Variants in RPLP1 observed in about 807,000 individuals in gnomAD.
The protein encoded by RPLP1 is ribosomal protein lateral stalk subunit P1, also known as large ribosomal subunit protein P1.
RPLP1 carries 4 observed loss-of-function variants against 11.6 expected under a neutral mutation model. The ratio of observed to expected loss-of-function variants is 0.34; its 90% CI spans 0.17 to 0.79. RPLP1 has a LOEUF of 0.79. RPLP1 is among the 30% of genes least tolerant of loss of function. The probability of loss-of-function intolerance (pLI) is 0.55; values close to 1 mark genes in which losing one functional copy is unlikely to be tolerated. For synonymous variants in RPLP1, 54 were observed against 52.2 expected, an observed-to-expected ratio of 1.03 and a Z score of -0.15; for missense variants, 133 against 142.8, an observed-to-expected ratio of 0.93 and a Z score of 0.35.
chr15:69,453,015 G>C lies in RPLP1; in HGVS notation c.67G>C (p.Val23Leu), dbSNP rs777874251. 6.4e-6 allele frequency: 10 copies of C among 1,567,460 alleles called. No individual in the cohort carries two copies. The South Asian group carries it at 8.2e-5, about 13-fold the overall frequency. The change falls in exon 1 of 4, where the codon GTC becomes CTC. Residue 23 changes from valine to leucine, a missense_variant. Transcript: ENST00000260379. ...ALILHDDEVT[V>L]TEDKINALIK... The stretch of plus-strand genomic sequence containing the variant: ...CATTCTGCACGACGATGAGGTGACA[G>C]TCACGGTGAGTGCGGGCGCGGGCCG...
chr15:69,452,859 G>T lies in RPLP1; in HGVS notation c.-90G>T. 1 of 1,238,708 alleles carries T rather than the reference G, an allele frequency of 8.1e-7. No individual in the cohort carries two copies. The highest frequency in any genetic ancestry group is 1.1e-6 in the Non-Finnish European group (1 of 874,214). 76.7% of individuals were successfully genotyped at this position (1,238,708 alleles called of 1,614,324 possible). On this transcript the variant is annotated 5_prime_UTR_variant, in exon 1 of 4. It adds an upstream start codon to the 5' untranslated region. Coordinates refer to ENST00000260379, the MANE Select transcript of RPLP1 (RefSeq NM_001003.3). The stretch of plus-strand genomic sequence containing the variant: ...CCGCCAAGGTGCTCGGTCCTTCCGA[G>T]GAAGCTAAGGCTGCGTTGGGGTGAG...
intron 1 of RPLP1, chr15:69,453,227 G>A (rs1188230056): frequency 8.4e-6 from 5 of 597,836 alleles, no homozygotes; most frequent in Non-Finnish European, 1.5e-5. Flanking sequence ...CGGGCCCAGC[G>A]GGCATGGAGT....
chr15:69,455,713 G>A lies in RPLP1; in HGVS notation c.*206G>A. On this transcript the variant is annotated 3_prime_UTR_variant, in exon 4 of 4. Transcript: ENST00000260379. ...TGATGCTAACAAGAAGGCACCTCAT[G>A]GTACAGTGTTGAAAACTGCACTGGG... 1.7e-6 allele frequency: 1 copy of A among 573,188 alleles called. No individual in the cohort carries two copies. The highest frequency in any genetic ancestry group is 2.1e-5 in the South Asian group (1 of 46,774). 35.5% of individuals were successfully genotyped at this position (573,188 alleles called of 1,614,324 possible). A position where few individuals can be genotyped will look rare whatever the true frequency, so the allele number is the denominator to read the frequency against.
At chr15:69,453,765 T>A (rs746684395) in intron 2 of RPLP1, 44 bp downstream of exon 2, 2 of 1,604,642 alleles carry the variant, frequency 1.2e-6, no homozygotes, top group Non-Finnish European at 1.7e-6. Flanking sequence ...GCCTGCTGAT[T>A]TACGAGGGCA....
In RPLP1 at chr15:69,452,939, C is replaced by A. The variant is rs1203304650; in HGVS notation, c.-10C>A. On this transcript the variant is annotated 5_prime_UTR_variant, in exon 1 of 4. Coordinates refer to ENST00000260379, the MANE Select transcript of RPLP1 (RefSeq NM_001003.3). ...CGTCCGGCAGCGCCAGCCCTACACT[C>A]GCCCGCGCCATGGCCTCTGTCTCCG... is the stretch of plus-strand genomic sequence containing the variant. 4 of 1,569,552 alleles carry A rather than the reference C, an allele frequency of 2.5e-6. No individual in the cohort carries two copies. Among genetic ancestry groups the A allele is most frequent in the Admixed American group, 3.6e-5 (2 of 54,904 alleles).
At chr15:69,453,443 C>CGCGTG in intron 1 of RPLP1, 2 of 622,426 alleles carry the variant, frequency 3.2e-6, no homozygotes, top group Non-Finnish European at 5.6e-6. Context: ...TAAAAATAGC[C>CGCGTG]GCGTGACTCA....
At position 69,453,001 on chromosome 15, in the gene RPLP1, A is replaced by T; in HGVS notation, c.53A>T (p.Asp18Val). Residue 18 changes from aspartate to valine, a missense_variant, in exon 1 of 4, where the codon GAC becomes GTC. Coordinates refer to ENST00000260379, the MANE Select transcript of RPLP1 (RefSeq NM_001003.3). ...ACIYSALILHDDEVTVTEDKI... is the reference protein window; with the variant it reads ...ACIYSALILHVDEVTVTEDKI... The stretch of plus-strand genomic sequence containing the variant: ...ATCTACTCGGCCCTCATTCTGCACG[A>T]CGATGAGGTGACAGTCACGGTGAGT... The T allele has an allele frequency of 6.3e-7, 1 of 1,574,846 alleles. No homozygotes were observed. The highest frequency in any genetic ancestry group is 8.6e-7 in the Non-Finnish European group (1 of 1,162,612).
rs1596036870 is a variant in RPLP1, at chr15:69,452,844, G to C, written c.-105G>C. ...CCCTTTCCTCAGCTGCCGCCAAGGTGCTCGGTCCTTCCGAGGAAGCTAAGG... is the reference window on the plus strand; with the variant it reads ...CCCTTTCCTCAGCTGCCGCCAAGGTCCTCGGTCCTTCCGAGGAAGCTAAGG... On this transcript the variant is annotated 5_prime_UTR_variant, in exon 1 of 4. Coordinates refer to ENST00000260379, the MANE Select transcript of RPLP1 (RefSeq NM_001003.3). 2 of 1,067,012 alleles carry C rather than the reference G, an allele frequency of 1.9e-6. No individual in the cohort carries two copies. The highest frequency in any genetic ancestry group is 2.8e-6 in the Non-Finnish European group (2 of 720,634). The allele number at this position is 1,067,012 out of a possible 1,614,324, so 66.1% of individuals were successfully genotyped here.
chr15:69,455,449 CAAAG>C lies in RPLP1; in HGVS notation c.294_297del (p.Glu99AsnfsTer20), dbSNP rs1892421625. 3 of 1,611,482 alleles carry C rather than the reference CAAAG, an allele frequency of 1.9e-6. No homozygotes were observed. The highest frequency in any genetic ancestry group is 1.7e-5 in the Admixed American group (1 of 59,562). On this transcript the variant is annotated frameshift_variant, in exon 4 of 4. Coordinates refer to ENST00000260379, the MANE Select transcript of RPLP1 (RefSeq NM_001003.3). LOFTEE classifies it high-confidence loss of function. The stretch of plus-strand genomic sequence containing the variant: ...CTAGCTGAGGAGAAGAAAGTGGAAG[CAAAG>C]AAAGAAGAATCCGAGGAGTCTGATG...
rs1381940009 is a variant in RPLP1 at position 69,452,960 on chromosome 15, C to T, written c.12C>T (p.Val4=). ...CACTCGCCCGCGCCATGGCCTCTGT[C>T]TCCGAGCTCGCCTGCATCTACTCGG... MAS[V]SELACIYSAL... The change falls in exon 1 of 4, where the codon GTC becomes GTT. Residue 4 remains valine, a synonymous_variant. Coordinates refer to ENST00000260379, the MANE Select transcript of RPLP1 (RefSeq NM_001003.3). 3 of 1,580,014 alleles carry T rather than the reference C, an allele frequency of 1.9e-6. No homozygotes were observed. Among genetic ancestry groups the T allele is most frequent in the Admixed American group, 3.6e-5 (2 of 56,186 alleles).
rs1396766820 is a variant in RPLP1, at chr15:69,453,680, G to C, written c.106G>C (p.Gly36Arg). Residue 36 changes from glycine (G) to arginine (R), a missense_variant, in exon 2 of 4, where the codon GGT becomes CGT. Gly to Arg is a moderately radical substitution (Grantham distance 125). Transcript: ENST00000260379. ...GATCAATGCCCTCATTAAAGCAGCCGGTGTAAATGTTGAGCCTTTTTGGCC... is the reference window on the plus strand; with the variant it reads ...GATCAATGCCCTCATTAAAGCAGCCCGTGTAAATGTTGAGCCTTTTTGGCC... Reference protein sequence around the residue: ...DKINALIKAAGVNVEPFWPGL... With the variant: ...DKINALIKAARVNVEPFWPGL... The C allele has an allele frequency of 1.2e-6, 2 of 1,613,978 alleles. No homozygotes were observed. The highest frequency in any genetic ancestry group is 1.7e-6 in the Non-Finnish European group (2 of 1,179,998).
In RPLP1 at chr15:69,452,833, G is replaced by C. The variant is rs780467400; in HGVS notation, c.-116G>C. On this transcript the variant is annotated 5_prime_UTR_variant, in exon 1 of 4. Transcript: ENST00000260379. ...GGCGCGAGAGCCCCTTTCCTCAGCT[G>C]CCGCCAAGGTGCTCGGTCCTTCCGA... 3.3e-5 allele frequency: 32 copies of C among 960,086 alleles called. No homozygotes were observed. Among genetic ancestry groups the C allele is most frequent in the Non-Finnish European group, 4.8e-5 (30 of 627,370 alleles). 59.5% of individuals were successfully genotyped at this position (960,086 alleles called of 1,614,324 possible).
chr15:69,453,512 C>A, intron 1 of RPLP1, 135 bp from the exon 2 acceptor site: 2 of 954,792 alleles, frequency 2.1e-6, no homozygotes, highest in South Asian at 1.5e-5. Flanking sequence ...GGGCGCCTGG[C>A]ACACATCTCT....
chr15:69,452,914 C>A lies in RPLP1; in HGVS notation c.-35C>A. 6.4e-7 allele frequency: 1 copy of A among 1,554,292 alleles called. No individual in the cohort carries two copies. Among genetic ancestry groups the A allele is most frequent in the Non-Finnish European group, 8.7e-7 (1 of 1,150,644 alleles). On this transcript the variant is annotated 5_prime_UTR_variant, in exon 1 of 4. Coordinates refer to ENST00000260379, the MANE Select transcript of RPLP1 (RefSeq NM_001003.3). ...TCACTTCATCCGGCGACTAGCACCG[C>A]GTCCGGCAGCGCCAGCCCTACACTC... is the stretch of plus-strand genomic sequence containing the variant.
rs1327414287 is a variant in RPLP1, at chr15:69,455,576, A to T, written c.*69A>T. ...TGTTGGTCTTGTCCATAGTTTTGGAATGTGCTCTGCAAAAATGGTCTGTTT... is the reference window on the plus strand; with the variant it reads ...TGTTGGTCTTGTCCATAGTTTTGGATTGTGCTCTGCAAAAATGGTCTGTTT... On this transcript the variant is annotated 3_prime_UTR_variant, in exon 4 of 4. Coordinates refer to ENST00000260379, the MANE Select transcript of RPLP1 (RefSeq NM_001003.3). 1 of 1,194,026 alleles carries T rather than the reference A, an allele frequency of 8.4e-7. No homozygotes were observed. The highest frequency in any genetic ancestry group is 1.2e-6 in the Non-Finnish European group (1 of 841,634). 74.0% of individuals were successfully genotyped at this position (1,194,026 alleles called of 1,614,324 possible). A position where few individuals can be genotyped will look rare whatever the true frequency, so the allele number is the denominator to read the frequency against.
At position 69,455,711 on chromosome 15, in the gene RPLP1, A is replaced by G; in HGVS notation, c.*204A>G. On this transcript the variant is annotated 3_prime_UTR_variant, in exon 4 of 4. Coordinates refer to ENST00000260379, the MANE Select transcript of RPLP1 (RefSeq NM_001003.3). The stretch of plus-strand genomic sequence containing the variant: ...CCTGATGCTAACAAGAAGGCACCTC[A>G]TGGTACAGTGTTGAAAACTGCACTG... The G allele has an allele frequency of 1.7e-6, 1 of 578,302 alleles. No homozygotes were observed. The highest frequency in any genetic ancestry group is 3.1e-6 in the Non-Finnish European group (1 of 327,536). The allele number at this position is 578,302 out of a possible 1,614,324, so 35.8% of individuals were successfully genotyped here. A position where few individuals can be genotyped will look rare whatever the true frequency, so the allele number is the denominator to read the frequency against.
In RPLP1 at chr15:69,455,543, T is replaced by A. The variant is rs1297328209; in HGVS notation, c.*36T>A. 2 of 1,455,520 alleles carry A rather than the reference T, an allele frequency of 1.4e-6. No homozygotes were observed. The highest frequency in any genetic ancestry group is 1.9e-6 in the Non-Finnish European group (2 of 1,059,734). The allele number at this position is 1,455,520 out of a possible 1,614,324, so 90.2% of individuals were successfully genotyped here. A position where few individuals can be genotyped will look rare whatever the true frequency, so the allele number is the denominator to read the frequency against. On this transcript the variant is annotated 3_prime_UTR_variant, in exon 4 of 4. Transcript: ENST00000260379. The stretch of plus-strand genomic sequence containing the variant: ...TAACATGTTCAATAAAAAGCTGAAC[T>A]TTACTGCTGTTGGTCTTGTCCATAG...
At position 69,453,005 on chromosome 15, in the gene RPLP1, T is replaced by C; in HGVS notation, c.57T>C (p.Asp19=). 6.4e-7 allele frequency: 1 copy of C among 1,573,704 alleles called. No homozygotes were observed. The highest frequency in any genetic ancestry group is 8.6e-7 in the Non-Finnish European group (1 of 1,162,026). The change falls in exon 1 of 4, where the codon GAT becomes GAC. Residue 19 remains aspartate, a synonymous_variant. Coordinates refer to ENST00000260379, the MANE Select transcript of RPLP1 (RefSeq NM_001003.3). ...ACTCGGCCCTCATTCTGCACGACGA[T>C]GAGGTGACAGTCACGGTGAGTGCGG... ...CIYSALILHD[D]EVTVTEDKIN...
At chr15:69,453,758 T>C in intron 2 of RPLP1, 37 bp downstream of exon 2, 1 of 1,610,870 alleles carries the variant, frequency 6.2e-7, no homozygotes, top group Non-Finnish European at 8.5e-7. Context: ...TGGTAAGGCC[T>C]GCTGATTTAC....
Sources: gnomAD v4.1 joint callset for allele counts on GRCh38, gnomAD v4.1.1 for gene constraint, MANE v1.5 for transcripts, NCBI Gene and HGNC (gene_info 2026-07-23, HGNC 2026-07-21) for gene names.